NLGN1: variants seen among roughly 807,000 people sequenced by gnomAD.
NLGN1 encodes neuroligin-1.
A neutral mutation model predicts 65.5 loss-of-function variants in NLGN1; 12 were observed. That is an observed-to-expected ratio of 0.18 (90% CI 0.12 to 0.30). The LOEUF is 0.30. NLGN1 is among the 10% of genes least tolerant of loss of function. The pLI, the probability that NLGN1 is intolerant of heterozygous loss-of-function variation, is 1.00. For missense variants in NLGN1, 750 were observed against 1,007.1 expected (o/e 0.74, Z 3.46); for synonymous variants, 350 against 359.5 (o/e 0.97, Z 0.30).
At chr3:174,131,294 A>G (rs1474309592) in intron 4 of NLGN1, among the ~76,000 whole-genome samples, 1 of 152,190 alleles carries the variant, frequency 6.6e-6, no homozygotes, top group Non-Finnish European at 1.5e-5. Context: ...TACTCTGTTA[A>G]TAAGTGTATT....
At chr3:174,187,708 A>G (rs1271314157) in intron 4 of NLGN1, among the ~76,000 whole-genome samples, 1 of 152,058 alleles carries the variant, frequency 6.6e-6, no homozygotes, top group South Asian at 2.1e-4. Flanking sequence ...TCTAAAATCT[A>G]TGAAGTACCA....
At chr3:173,486,980 G>C (rs1464175263) in intron 2 of NLGN1, among the ~76,000 whole-genome samples, 1 of 149,746 alleles carries the variant, frequency 6.7e-6, no homozygotes, top group Non-Finnish European at 1.5e-5. Context: ...TTCAACTTTT[G>C]CCTGTTATCA....
At chr3:174,081,901 C>T (rs1015192585) in intron 4 of NLGN1, among the ~76,000 whole-genome samples, 2 of 152,102 alleles carry the variant, frequency 1.3e-5, no homozygotes, top group Admixed American at 6.6e-5. Context: ...TTGAGGGAAA[C>T]ACAAACATTC....
chr3:173,833,227 G>A (rs945132359), intron 4 of NLGN1, among the ~76,000 whole-genome samples: 10 of 152,086 alleles, frequency 6.6e-5, no homozygotes, highest in Admixed American at 2.6e-4. Context: ...ATGCGAGTGT[G>A]TAACTTCAAA....
intron 3 of NLGN1, among the ~76,000 whole-genome samples, chr3:173,686,260 A>T (rs1330339528): frequency 6.6e-6 from 1 of 151,640 alleles, no homozygotes; most frequent in Non-Finnish European, 1.5e-5. Context: ...GCAAACGCAA[A>T]GCGCTTGACT....
At chr3:173,570,273 C>A (rs1744431925) in intron 2 of NLGN1, among the ~76,000 whole-genome samples, 1 of 152,108 alleles carries the variant, frequency 6.6e-6, no homozygotes, top group Non-Finnish European at 1.5e-5. Context: ...GGGAGAAAAC[C>A]ATGTGCAAAG....
chr3:173,852,334 C>A (rs1412977953), intron 4 of NLGN1, among the ~76,000 whole-genome samples: 2 of 106,040 alleles, frequency 1.9e-5, no homozygotes, highest in African/African-American at 7.3e-5. Context: ...CCAGCCTGGG[C>A]AACAGAGCGA....
chr3:173,862,436 A>G (rs1291119422), intron 4 of NLGN1, among the ~76,000 whole-genome samples: 30 of 144,654 alleles, frequency 2.1e-4, no homozygotes, highest in East Asian at 6.4e-4. Flanking sequence ...AACCCGGGAG[A>G]CGGAGCTTGC....
intron 3 of NLGN1, among the ~76,000 whole-genome samples, chr3:173,807,186 T>C (rs1454420897): frequency 6.6e-6 from 1 of 152,174 alleles, no homozygotes; most frequent in Admixed American, 6.6e-5. Context: ...AATTGGAGCA[T>C]AAATGAGTTG....
chr3:174,064,855 A>C (rs1399160050), intron 4 of NLGN1, among the ~76,000 whole-genome samples: 1 of 150,566 alleles, frequency 6.6e-6, no homozygotes, highest in African/African-American at 2.4e-5. Flanking sequence ...TATACATTAT[A>C]TTAATACACA....
chr3:173,841,723 A>C (rs1402227390), intron 4 of NLGN1, among the ~76,000 whole-genome samples: 8 of 152,210 alleles, frequency 5.3e-5, no homozygotes, highest in Non-Finnish European at 7.3e-5. Flanking sequence ...GGCAAAGAAA[A>C]TGGATCAGCC....
chr3:174,135,810 T>C (rs1433318319), intron 4 of NLGN1, among the ~76,000 whole-genome samples: 1 of 152,128 alleles, frequency 6.6e-6, no homozygotes. Flanking sequence ...ACTAAGTAAT[T>C]CCTTATTATT....
intron 4 of NLGN1, among the ~76,000 whole-genome samples, chr3:174,009,498 GA>G (rs1180114393): frequency 6.6e-6 from 1 of 151,880 alleles, no homozygotes; most frequent in Non-Finnish European, 1.5e-5. Flanking sequence ...TATAGTAAAA[GA>G]AAAAAAGGCT....
chr3:173,492,136 G>T (rs891359703), intron 2 of NLGN1, among the ~76,000 whole-genome samples: 2 of 151,780 alleles, frequency 1.3e-5, no homozygotes, highest in African/African-American at 4.9e-5. Flanking sequence ...ACATAAAATG[G>T]TGAAATAATA....
rs149886215 is a variant in NLGN1, at chr3:173,540,823, C to A, written c.-320-63456C>A. 8.8e-3 allele frequency among the ~76,000 whole-genome samples: 1,333 copies of A among 152,260 alleles called. 8 individuals are homozygous for A. Among genetic ancestry groups the A allele is most frequent in the Middle Eastern group, 0.014 (4 of 294 alleles). On this transcript the variant is annotated intron_variant, in intron 2 of 6. Transcript: ENST00000457714. ...CTTTGGTGCATATTTTAATATGACA[C>A]GTTGACACATTTTTTTCTAAATCAA... is the stretch of plus-strand genomic sequence containing the variant.
At chr3:174,074,737 G>T (rs1740557383) in intron 4 of NLGN1, among the ~76,000 whole-genome samples, 1 of 152,194 alleles carries the variant, frequency 6.6e-6, no homozygotes, top group Non-Finnish European at 1.5e-5. Flanking sequence ...AAACGTAGTT[G>T]TGGATGATTC....
chr3:174,009,751 G>A (rs1310650180), intron 4 of NLGN1, among the ~76,000 whole-genome samples: 1 of 152,264 alleles, frequency 6.6e-6, no homozygotes, highest in East Asian at 1.9e-4. Context: ...TTCCACAGGA[G>A]AAAAGAGAAA....
At chr3:173,695,756 C>T (rs1766121490) in intron 3 of NLGN1, among the ~76,000 whole-genome samples, 1 of 152,114 alleles carries the variant, frequency 6.6e-6, no homozygotes, top group Non-Finnish European at 1.5e-5. Flanking sequence ...TAAAACTTTG[C>T]ACAATTTAGT....
At chr3:173,900,482 A>T (rs1167375514) in intron 4 of NLGN1, among the ~76,000 whole-genome samples, 1 of 152,052 alleles carries the variant, frequency 6.6e-6, no homozygotes, top group Non-Finnish European at 1.5e-5. Context: ...TTGAAAACTC[A>T]TGGATTTTTT....
Sources: gnomAD v4.1 joint callset for allele counts (sites outside exome capture counted in the v4.1 genomes callset) on GRCh38, gnomAD v4.1.1 for gene constraint, MANE v1.5 for transcripts, NCBI Gene and HGNC (gene_info 2026-07-23, HGNC 2026-07-21) for gene names.